Variants in NRG1 observed in about 807,000 individuals in gnomAD.
NRG1 encodes pro-neuregulin-1, membrane-bound isoform.
In NRG1, 18 loss-of-function variants were observed where a neutral mutation model predicts 63.8. The observed-to-expected ratio is 0.28, with a 90% confidence interval of 0.19 to 0.42. The LOEUF is 0.42. NRG1 is among the 10% of genes least tolerant of loss of function. The pLI, the probability that NRG1 is intolerant of heterozygous loss-of-function variation, is 1.00. For synonymous variants in NRG1, 302 were observed against 301.3 expected, an observed-to-expected ratio of 1.00 and a Z score of -0.02; for missense variants, 762 against 814.7, an observed-to-expected ratio of 0.94 and a Z score of 0.79.
At chr8:32,428,735 C>T (rs772516265) in intron 1 of NRG1, among the ~76,000 whole-genome samples, 5 of 152,208 alleles carry the variant, frequency 3.3e-5, no homozygotes, top group Non-Finnish European at 7.3e-5. Context: ...TATTGCATCA[C>T]TCCCTGATGG....
At position 31,953,009 on chromosome 8, in the gene NRG1, C is replaced by T. The variant is rs546865896; in HGVS notation, c.37+313578C>T. On this transcript the variant is annotated intron_variant, in intron 1 of 10. Coordinates refer to the NRG1 transcript ENST00000519301. ...TAGGCATTTCATTCTCATGGACCTA[C>T]CTCTTAATATGCTTTCTTCTTAATC... Among the ~76,000 whole-genome samples, 9 of 152,268 alleles carry T rather than the reference C, an allele frequency of 5.9e-5. No individual in the cohort carries two copies. The South Asian group carries it at 1.7e-3, about 28-fold the overall frequency.
At chr8:31,973,810 A>C (rs577544535) in intron 1 of NRG1, among the ~76,000 whole-genome samples, 6 of 152,206 alleles carry the variant, frequency 3.9e-5, no homozygotes, top group Non-Finnish European at 4.4e-5. Flanking sequence ...TAATGAACCA[A>C]ATTTATCAAC....
At chr8:31,769,115 A>G (rs1462297475) in intron 1 of NRG1, among the ~76,000 whole-genome samples, 3 of 152,218 alleles carry the variant, frequency 2.0e-5, no homozygotes, top group Admixed American at 2.0e-4. Flanking sequence ...TGTGTCATCT[A>G]TTCCCCCCAA....
At chr8:32,313,828 T>A (rs757219166) in intron 1 of NRG1, among the ~76,000 whole-genome samples, 5 of 152,210 alleles carry the variant, frequency 3.3e-5, no homozygotes, top group African/African-American at 4.8e-5. Context: ...TTCTCTTCCC[T>A]CTGAGCATAT....
At chr8:32,390,392 G>A (rs1455541957) in intron 1 of NRG1, among the ~76,000 whole-genome samples, 2 of 151,924 alleles carry the variant, frequency 1.3e-5, no homozygotes, top group Non-Finnish European at 1.5e-5. Flanking sequence ...ACCAACCTGG[G>A]CAACATAGTG....
chr8:32,323,700 T>G (rs184548928), intron 1 of NRG1, among the ~76,000 whole-genome samples: 1 of 152,270 alleles, frequency 6.6e-6, no homozygotes, highest in Non-Finnish European at 1.5e-5. Context: ...ATTTCCTCTT[T>G]TTCTCCTTTA....
At chr8:32,219,665 A>T (rs1845607096) in intron 1 of NRG1, among the ~76,000 whole-genome samples, 1 of 152,194 alleles carries the variant, frequency 6.6e-6, no homozygotes, top group African/African-American at 2.4e-5. Context: ...TATGATCTAA[A>T]TCTTAAAGAA....
intron 1 of NRG1, among the ~76,000 whole-genome samples, chr8:32,110,799 C>T (rs1052744516): frequency 1.6e-4 from 24 of 152,116 alleles, no homozygotes; most frequent in African/African-American, 4.6e-4. Context: ...ATTCACTACC[C>T]GAAAGTATAA....
intron 5 of NRG1, among the ~76,000 whole-genome samples, chr8:32,646,174 A>G (rs1025264619): frequency 6.6e-6 from 1 of 152,148 alleles, no homozygotes; most frequent in African/African-American, 2.4e-5. Context: ...GGTGAGATAG[A>G]ATAAATGGAA....
At chr8:32,202,801 T>C (rs1212763231) in intron 1 of NRG1, among the ~76,000 whole-genome samples, 1 of 151,230 alleles carries the variant, frequency 6.6e-6, no homozygotes, top group Non-Finnish European at 1.5e-5. Context: ...ACTGCTCTGC[T>C]GCTCTGCCAC....
intron 1 of NRG1, among the ~76,000 whole-genome samples, chr8:31,877,000 C>G (rs1414271919): frequency 6.6e-6 from 1 of 151,990 alleles, no homozygotes; most frequent in Non-Finnish European, 1.5e-5. Context: ...ATGGCAAGAG[C>G]AAAGGAAAGA....
chr8:31,777,675 C>T (rs1819281287), intron 1 of NRG1, among the ~76,000 whole-genome samples: 1 of 152,222 alleles, frequency 6.6e-6, no homozygotes, highest in African/African-American at 2.4e-5. Context: ...GCCACATCAT[C>T]TGCTTCTGAT....
At chr8:32,185,594 C>A (rs557777210) in intron 1 of NRG1, among the ~76,000 whole-genome samples, 1 of 152,062 alleles carries the variant, frequency 6.6e-6, no homozygotes, top group African/African-American at 2.4e-5. Flanking sequence ...AACAGTAGTC[C>A]GGGCAGTCTA....
intron 1 of NRG1, among the ~76,000 whole-genome samples, chr8:31,956,383 T>C (rs327389): frequency 0.85 from 129,226 of 152,118 alleles, 55,734 homozygotes; most frequent in African/African-American, 0.96. Flanking sequence ...TTTGGGAGGC[T>C]GAGGTGGGCA....
intron 5 of NRG1, among the ~76,000 whole-genome samples, chr8:32,636,652 C>G (rs73590629): frequency 0.022 from 3,297 of 152,146 alleles, 136 homozygotes; most frequent in African/African-American, 0.076. Flanking sequence ...TTCTAATTCC[C>G]CAGGGATCGA....
intron 1 of NRG1, among the ~76,000 whole-genome samples, chr8:31,827,334 G>C (rs767025590): frequency 6.6e-6 from 1 of 152,192 alleles, no homozygotes; most frequent in Non-Finnish European, 1.5e-5. Flanking sequence ...TCTTAGAAGA[G>C]CAATGGCCAT....
chr8:31,869,493 G>A (rs1829291253), intron 1 of NRG1, among the ~76,000 whole-genome samples: 1 of 152,120 alleles, frequency 6.6e-6, no homozygotes, highest in South Asian at 2.1e-4. Flanking sequence ...ATTCTATGTA[G>A]CATTTTCTTA....
chr8:32,650,480 A>G (rs1021065897), intron 5 of NRG1, among the ~76,000 whole-genome samples: 2 of 152,112 alleles, frequency 1.3e-5, no homozygotes, highest in Non-Finnish European at 2.9e-5. Context: ...TTAAAAAAAC[A>G]TCAAATCTTG....
chr8:31,810,265 A>C (rs1246038893), intron 1 of NRG1, among the ~76,000 whole-genome samples: 1 of 152,180 alleles, frequency 6.6e-6, no homozygotes, highest in Admixed American at 6.5e-5. Context: ...CTCTGCTTCC[A>C]TTCTTTTCAC....
Sources: allele counts gnomAD v4.1 joint callset (sites outside exome capture counted in the v4.1 genomes callset), GRCh38; gene constraint gnomAD v4.1.1; transcripts MANE v1.5; gene names NCBI Gene and HGNC (gene_info 2026-07-23, HGNC 2026-07-21).